POLD4: variants seen among roughly 807,000 people sequenced by gnomAD.
POLD4 encodes the protein DNA polymerase delta subunit 4.
A neutral mutation model predicts 16.5 loss-of-function variants in POLD4; 9 were observed. That is an observed-to-expected ratio of 0.55 (90% CI 0.33 to 0.95). The LOEUF is 0.95. POLD4 is among the 40% of genes least tolerant of loss of function. The pLI, the probability that POLD4 is intolerant of heterozygous loss-of-function variation, is 0.03. For synonymous variants in POLD4, 62 were observed against 57.6 expected (o/e 1.08, Z -0.35); for missense variants, 129 against 139.7 (o/e 0.92, Z 0.39).
Position 67,353,311 on chromosome 11 carries a change from G to C in POLD4, c.89C>G (p.Pro30Arg), listed in dbSNP as rs1861919739. ...PAGHSKGELA[P>R]ELGEEPQPRD... ...CCTCACACCTCAGAGACCTAGCTCG[G>C]GTGCCAGCTCCCCCTTGCTGTGCCC... Residue 30 changes from proline (P) to arginine (R), a missense_variant, in exon 1 of 4, where the codon CCC becomes CGC. Coordinates refer to ENST00000312419, the MANE Select transcript of POLD4 (RefSeq NM_021173.5). The C allele has an allele frequency of 6.2e-7, 1 of 1,611,726 alleles. No individual in the cohort carries two copies. The highest frequency in any genetic ancestry group is 2.2e-5 in the East Asian group (1 of 44,860).
At chr11:67,352,883 A>G in intron 2 of POLD4, 81 bp from the exon 3 acceptor site, 1 of 1,358,776 alleles carries the variant, frequency 7.4e-7, no homozygotes, top group Non-Finnish European at 1.0e-6. Flanking sequence ...TGTTGGGGGG[A>G]GACAGTTCCT....
chr11:67,352,778 C>T lies in POLD4; in HGVS notation c.212G>A (p.Cys71Tyr). ...CTCCAAGCCCATCTGCTTGGCCCGA[C>T]ACCAGCGCTGCAGCCGTGTGATCCC... ...CTGITRLQRW[C>Y]RAKQMGLEPP... Residue 71 changes from cysteine to tyrosine, a missense_variant, in exon 3 of 4, where the codon TGT becomes TAT. By Grantham distance (194) the Cys-to-Tyr change is radical. Transcript: ENST00000312419. The T allele has an allele frequency of 1.2e-6, 2 of 1,610,916 alleles. No homozygotes were observed. Among genetic ancestry groups the T allele is most frequent in the Non-Finnish European group, 8.5e-7 (1 of 1,178,368 alleles).
At chr11:67,353,183 C>T (rs1208383171) in intron 1 of POLD4, 106 bp from the exon 2 acceptor site, 3 of 1,504,806 alleles carry the variant, frequency 2.0e-6, no homozygotes, top group African/African-American at 1.4e-5. Flanking sequence ...GCAGCTAGAC[C>T]TGGTGTCGGG....
chr11:67,352,033 G>C lies in POLD4; in HGVS notation c.300-14C>G. 2 of 1,516,766 alleles carry C rather than the reference G, an allele frequency of 1.3e-6. No homozygotes were observed. Among genetic ancestry groups the C allele is most frequent in the Non-Finnish European group, 1.8e-6 (2 of 1,105,074 alleles). 94.0% of individuals were successfully genotyped at this position (1,516,766 alleles called of 1,614,324 possible). A position where few individuals can be genotyped will look rare whatever the true frequency, so the allele number is the denominator to read the frequency against. ...AGATGCCAGAGACTGTGGAAGATGG[G>C]GTGGGAGGGAGGGATACCCCAGAGA... is the stretch of plus-strand genomic sequence containing the variant. On this transcript the variant is annotated splice_polypyrimidine_tract_variant and intron_variant, in intron 3 of 3. Transcript: ENST00000312419.
rs1590905003 is a variant in POLD4, at chr11:67,351,637, G to A, written c.*358C>T. The A allele has an allele frequency of 4.1e-6, 1 of 243,480 alleles. No homozygotes were observed. The highest frequency in any genetic ancestry group is 9.6e-5 in the East Asian group (1 of 10,454). 15.1% of individuals were successfully genotyped at this position (243,480 alleles called of 1,614,324 possible). A position where few individuals can be genotyped will look rare whatever the true frequency, so the allele number is the denominator to read the frequency against. ...TCCTGCTCTCAGATTCCTGGCCTTA[G>A]GTGGGAGAGCATCTTTTCCTCATGG... is the stretch of plus-strand genomic sequence containing the variant. On this transcript the variant is annotated 3_prime_UTR_variant, in exon 4 of 4. Coordinates refer to ENST00000312419, the MANE Select transcript of POLD4 (RefSeq NM_021173.5). The surrounding 1 kb of genome is among the most constrained non-coding windows in gnomAD (Gnocchi z 4.8).
chr11:67,351,558 A>G lies in POLD4; in HGVS notation c.*437T>C, dbSNP rs536237859. 1 of 165,582 alleles carries G rather than the reference A, an allele frequency of 6.0e-6. No homozygotes were observed. Among genetic ancestry groups the G allele is most frequent in the African/African-American group, 2.4e-5 (1 of 41,870 alleles). 10.3% of individuals were successfully genotyped at this position (165,582 alleles called of 1,614,324 possible). A position where few individuals can be genotyped will look rare whatever the true frequency, so the allele number is the denominator to read the frequency against. ...GACTGAAGGTCAGGATTCCAGGCTC[A>G]ATATTCTTTATTGATAAGCATTAGT... On this transcript the variant is annotated 3_prime_UTR_variant, in exon 4 of 4. Transcript: ENST00000312419. The surrounding 1 kb of genome is among the most constrained non-coding windows in gnomAD (Gnocchi z 4.8).
In POLD4 at chr11:67,352,813, G is replaced by T; in HGVS notation, c.188-11C>A. 1 of 1,596,910 alleles carries T rather than the reference G, an allele frequency of 6.3e-7. No homozygotes were observed. Among genetic ancestry groups the T allele is most frequent in the Non-Finnish European group, 8.6e-7 (1 of 1,168,726 alleles). ...GCAGCCGTGTGATCCCTGCCAGGGT[G>T]GGAAGAAGACTCTGGAGACTTGTGG... is the stretch of plus-strand genomic sequence containing the variant. On this transcript the variant is annotated splice_polypyrimidine_tract_variant and intron_variant, in intron 2 of 3. Coordinates refer to ENST00000312419, the MANE Select transcript of POLD4 (RefSeq NM_021173.5).
chr11:67,353,140 C>T, intron 1 of POLD4, 63 bp from the exon 2 acceptor site: 1 of 1,515,946 alleles, frequency 6.6e-7, no homozygotes, highest in Non-Finnish European at 9.0e-7. Flanking sequence ...CACCTCCCAG[C>T]CTTCCTCACC....
intron 3 of POLD4, 169 bp downstream of exon 3, chr11:67,352,522 T>C (rs980742896): frequency 1.1e-5 from 6 of 557,638 alleles, no homozygotes; most frequent in Non-Finnish European, 6.4e-6. Context: ...AAAAAAAGAA[T>C]TATTATAGTG....
chr11:67,351,884 GT>G lies in POLD4; in HGVS notation c.*110del. ...CACCTCCAGGTTCTGCCTGCCAAGG[GT>G]TCCTCCGCAGCCGGGCTGAGCTGAG... is the stretch of plus-strand genomic sequence containing the variant. On this transcript the variant is annotated 3_prime_UTR_variant, in exon 4 of 4. Coordinates refer to ENST00000312419, the MANE Select transcript of POLD4 (RefSeq NM_021173.5). This position sits in a 1 kb window ranked among gnomAD's most constrained non-coding sequence, Gnocchi z 4.8. 2 of 1,221,748 alleles carry G rather than the reference GT, an allele frequency of 1.6e-6. No homozygotes were observed. The highest frequency in any genetic ancestry group is 2.7e-5 in the South Asian group (2 of 74,800). 75.7% of individuals were successfully genotyped at this position (1,221,748 alleles called of 1,614,324 possible).
At chr11:67,352,847 G>T in intron 2 of POLD4, 45 bp from the exon 3 acceptor site, 1 of 1,506,836 alleles carries the variant, frequency 6.6e-7, no homozygotes, top group African/African-American at 1.4e-5. Flanking sequence ...GGGGGGTGGG[G>T]TAGAGTCTGA....
At chr11:67,352,594 ACCC>A in intron 3 of POLD4, 94 bp downstream of exon 3, 1 of 890,580 alleles carries the variant, frequency 1.1e-6, no homozygotes, top group Non-Finnish European at 1.8e-6. Flanking sequence ...AGGCCTTCCA[ACCC>A]TCCATCCATT....
At chr11:67,353,117 G>A (rs1488899980) in intron 1 of POLD4, 40 bp from the exon 2 acceptor site, 1 of 1,545,952 alleles carries the variant, frequency 6.5e-7, no homozygotes, top group African/African-American at 1.4e-5. Context: ...GTTGGCTTCA[G>A]TCTCCTGCCC....
intron 2 of POLD4, 24 bp from the exon 3 acceptor site, chr11:67,352,826 T>C: frequency 6.4e-7 from 1 of 1,561,824 alleles, no homozygotes; most frequent in Non-Finnish European, 8.7e-7. Context: ...AAGAAGACTC[T>C]GGAGACTTGT....
At position 67,352,811 on chromosome 11, in the gene POLD4, G is replaced by C; in HGVS notation, c.188-9C>G. ...CTGCAGCCGTGTGATCCCTGCCAGG[G>C]TGGGAAGAAGACTCTGGAGACTTGT... On this transcript the variant is annotated splice_polypyrimidine_tract_variant and intron_variant, in intron 2 of 3. Coordinates refer to ENST00000312419, the MANE Select transcript of POLD4 (RefSeq NM_021173.5). 1 of 1,599,142 alleles carries C rather than the reference G, an allele frequency of 6.3e-7. No homozygotes were observed. Among genetic ancestry groups the C allele is most frequent in the Non-Finnish European group, 8.5e-7 (1 of 1,170,418 alleles).
intron 2 of POLD4, 40 bp from the exon 3 acceptor site, chr11:67,352,842 G>T: frequency 1.3e-6 from 2 of 1,517,744 alleles, no homozygotes; most frequent in Non-Finnish European, 1.8e-6. Flanking sequence ...CTTGTGGGGG[G>T]TGGGGTAGAG....
chr11:67,353,234 C>G, intron 1 of POLD4, 69 bp downstream of exon 1: 1 of 1,562,748 alleles, frequency 6.4e-7, no homozygotes, highest in Non-Finnish European at 8.7e-7. Context: ...TCGGCCCCTC[C>G]GCCCCTCTAG....
chr11:67,352,931 A>G, intron 2 of POLD4, 57 bp downstream of exon 2: 1 of 1,471,634 alleles, frequency 6.8e-7, no homozygotes, highest in South Asian at 1.3e-5. Flanking sequence ...GTGACTTCAG[A>G]GACGTGTGGG....
Position 67,351,968 on chromosome 11 carries a change from T to C in POLD4, c.*27A>G. The C allele has an allele frequency of 6.4e-7, 1 of 1,556,862 alleles. No homozygotes were observed. Among genetic ancestry groups the C allele is most frequent in the Non-Finnish European group, 8.7e-7 (1 of 1,155,782 alleles). Reference sequence around the variant, plus strand: ...GTTCTTGGGTGGTGAGCAAGAGAGCTAAGGGCAGGAGGTCTTACGTGGTGC... The same window carrying C: ...GTTCTTGGGTGGTGAGCAAGAGAGCCAAGGGCAGGAGGTCTTACGTGGTGC... On this transcript the variant is annotated 3_prime_UTR_variant, in exon 4 of 4. Transcript: ENST00000312419. This position sits in a 1 kb window ranked among gnomAD's most constrained non-coding sequence, Gnocchi z 4.8.
Sources: allele counts gnomAD v4.1 joint callset, GRCh38; gene constraint gnomAD v4.1.1; non-coding constraint Gnocchi (gnomAD v3.1); transcripts MANE v1.5; gene names NCBI Gene and HGNC (gene_info 2026-07-23, HGNC 2026-07-21).